The following SUSD1 variants were observed in gnomAD, a reference collection of about 807,000 sequenced individuals.
SUSD1 encodes sushi domain-containing protein 1.
A neutral mutation model predicts 86.9 loss-of-function variants in SUSD1; 65 were observed. That is an observed-to-expected ratio of 0.75 (90% CI 0.61 to 0.92). SUSD1 has a LOEUF of 0.92. SUSD1 is among the 40% of genes least tolerant of loss of function. The pLI, the probability that SUSD1 is intolerant of heterozygous loss-of-function variation, is 0.00. For missense variants in SUSD1, 850 were observed against 929.7 expected (o/e 0.91, Z 1.11); for synonymous variants, 346 against 350.0 (o/e 0.99, Z 0.13).
At chr9:112,114,756 T>C (rs1304007959) in intron 6 of SUSD1, among the ~76,000 whole-genome samples, 2 of 152,108 alleles carry the variant, frequency 1.3e-5, no homozygotes, top group Non-Finnish European at 2.9e-5. Context: ...CCCCAGCACA[T>C]GCCATCTGGA....
intron 12 of SUSD1, among the ~76,000 whole-genome samples, chr9:112,072,140 C>CTTTTTTTTTTTT: frequency 2.1e-4 from 26 of 121,166 alleles, no homozygotes; most frequent in East Asian, 5.2e-4. Flanking sequence ...CTTTCTTTCT[C>CTTTTTTTTTTTT]TTTTTTTTTT....
intron 15 of SUSD1, among the ~76,000 whole-genome samples, chr9:112,049,506 G>A (rs1828098153): frequency 1.3e-5 from 2 of 152,276 alleles, no homozygotes; most frequent in South Asian, 2.1e-4. Context: ...CCATCAAACC[G>A]ACTGCTGGTT....
At position 112,112,730 on chromosome 9, in the gene SUSD1, C is replaced by T. The variant is rs113324731; in HGVS notation, c.984+41G>A. ...CTCTGACTCATATTCCCATGGGTGA[C>T]GTGTCTGTCCTAGCAGGAAAAAGTA... On this transcript the variant is annotated intron_variant, in intron 7 of 16. Coordinates refer to ENST00000374270, the MANE Select transcript of SUSD1 (RefSeq NM_022486.5). 33 of 1,349,550 alleles carry T rather than the reference C, an allele frequency of 2.4e-5. No individual in the cohort carries two copies. In the South Asian group the frequency reaches 2.9e-4, roughly 12 times the overall value. The allele number at this position is 1,349,550 out of a possible 1,614,324, so 83.6% of individuals were successfully genotyped here.
At chr9:112,136,408 T>C (rs1326555112) in intron 5 of SUSD1, among the ~76,000 whole-genome samples, 2 of 152,068 alleles carry the variant, frequency 1.3e-5, no homozygotes, top group Non-Finnish European at 2.9e-5. Flanking sequence ...CAATGTTATA[T>C]GTTTTCGTAG....
chr9:112,078,180 AC>A (rs1421513256), intron 12 of SUSD1, among the ~76,000 whole-genome samples: 1 of 152,190 alleles, frequency 6.6e-6, no homozygotes, highest in African/African-American at 2.4e-5. Context: ...CCCCGTCTCT[AC>A]AAAAAATACA....
At chr9:112,163,834 C>A (rs1314654377) in intron 1 of SUSD1, among the ~76,000 whole-genome samples, 1 of 151,112 alleles carries the variant, frequency 6.6e-6, no homozygotes, top group Non-Finnish European at 1.5e-5. Context: ...CCTGTCTCTA[C>A]TAAAAATACA....
chr9:112,074,491 A>G (rs1241292020), intron 12 of SUSD1, among the ~76,000 whole-genome samples: 2 of 152,064 alleles, frequency 1.3e-5, no homozygotes, highest in African/African-American at 4.8e-5. Flanking sequence ...GTCCCTCAAC[A>G]TTCCTAGAAC....
intron 6 of SUSD1, among the ~76,000 whole-genome samples, chr9:112,115,625 G>A (rs1212420595): frequency 2.0e-5 from 3 of 151,816 alleles, no homozygotes; most frequent in Non-Finnish European, 4.4e-5. Context: ...TGGGCAACAT[G>A]GTGAAACCGC....
At chr9:112,078,428 G>C (rs766052896) in intron 12 of SUSD1, 110 bp downstream of exon 12, 20 of 1,098,946 alleles carry the variant, frequency 1.8e-5, no homozygotes, top group Non-Finnish European at 2.6e-5. Flanking sequence ...TCCTCTCCCT[G>C]TTAAAGTTCA....
intron 1 of SUSD1, among the ~76,000 whole-genome samples, chr9:112,163,670 G>C (rs1037050523): frequency 6.6e-6 from 1 of 151,272 alleles, no homozygotes; most frequent in Non-Finnish European, 1.5e-5. Context: ...TAAAAAACTT[G>C]TCCTTATAAA....
chr9:112,132,644 A>T (rs995253502), intron 5 of SUSD1, among the ~76,000 whole-genome samples: 1 of 152,228 alleles, frequency 6.6e-6, no homozygotes, highest in African/African-American at 2.4e-5. Context: ...CTTGATACGT[A>T]TACTTACTTC....
rs746294726 is a variant in SUSD1 at position 112,154,322 on chromosome 9, CCA to C, written c.217+3176_217+3177del. ...TGGGCCACATGGCAAAACCCCACCT[CCA>C]CACACACACACAAAAAAAAAAAAAA... On this transcript the variant is annotated intron_variant, in intron 2 of 16. Coordinates refer to ENST00000374270, the MANE Select transcript of SUSD1 (RefSeq NM_022486.5). Among the ~76,000 whole-genome samples the C allele has an allele frequency of 5.2e-3, 730 of 140,490 alleles. 14 individuals carry two copies. The highest frequency in any genetic ancestry group is 0.016 in the African/African-American group (574 of 36,476). 92.2% of individuals were successfully genotyped at this position (140,490 alleles called of 152,430 possible). A position where few individuals can be genotyped will look rare whatever the true frequency, so the allele number is the denominator to read the frequency against.
chr9:112,112,649 G>GA (rs1201981955), intron 7 of SUSD1, 122 bp downstream of exon 7: 2 of 658,734 alleles, frequency 3.0e-6, no homozygotes, highest in East Asian at 2.9e-5. Context: ...AAAAATAAAA[G>GA]AAAAAAAGAA....
chr9:112,169,993 A>G (rs1270155501), intron 1 of SUSD1, among the ~76,000 whole-genome samples: 1 of 151,968 alleles, frequency 6.6e-6, no homozygotes, highest in African/African-American at 2.4e-5. Context: ...CCTTTTTCTT[A>G]ATCTTTGCAG....
rs1042642490 is a variant in SUSD1 at position 112,145,045 on chromosome 9, C to T, written c.374-1422G>A. 3.3e-5 allele frequency among the ~76,000 whole-genome samples: 5 copies of T among 151,934 alleles called. No individual in the cohort carries two copies. The East Asian group carries it at 5.8e-4, about 18-fold the overall frequency. ...TGCTTTAAGTCCGGGAGTTCAAGGC[C>T]GGCCTGGGCAACACAGCAAGACCCT... On this transcript the variant is annotated intron_variant, in intron 3 of 16. Coordinates refer to ENST00000374270, the MANE Select transcript of SUSD1 (RefSeq NM_022486.5).
chr9:112,133,477 C>T (rs1207988092), intron 5 of SUSD1, among the ~76,000 whole-genome samples: 1 of 152,142 alleles, frequency 6.6e-6, no homozygotes, highest in Non-Finnish European at 1.5e-5. Flanking sequence ...AAAGGACTCC[C>T]TATACATAAA....
chr9:112,149,328 C>T lies in SUSD1; in HGVS notation c.289G>A (p.Gly97Ser). ...CCTTCCAGGCAAATGCAATAGAAGC[C>T]CCCGGGGGTGTTGTGGCAAGATGTG... ...NHTSCHNTPGGFYCICLEGYR... is the reference protein window; with the variant it reads ...NHTSCHNTPGSFYCICLEGYR... The change falls in exon 3 of 17, where the codon GGC (glycine) becomes AGC (serine). Residue 97 changes from glycine to serine, a missense_variant. By Grantham distance (56) the Gly-to-Ser change is moderately conservative. Coordinates refer to ENST00000374270, the MANE Select transcript of SUSD1 (RefSeq NM_022486.5). 1 of 1,614,108 alleles carries T rather than the reference C, an allele frequency of 6.2e-7. No individual in the cohort carries two copies. Among genetic ancestry groups the T allele is most frequent in the Non-Finnish European group, 8.5e-7 (1 of 1,180,026 alleles).
At chr9:112,054,130 TCAAAATTTACTA>T (rs1469771279) in intron 14 of SUSD1, among the ~76,000 whole-genome samples, 3 of 152,138 alleles carry the variant, frequency 2.0e-5, no homozygotes, top group Non-Finnish European at 2.9e-5. Flanking sequence ...CTCCCTGATT[TCAAAATTTACTA>T]CAAAACTACA....
chr9:112,130,323 A>G (rs1413604944), intron 5 of SUSD1, among the ~76,000 whole-genome samples: 4 of 150,186 alleles, frequency 2.7e-5, no homozygotes, highest in Non-Finnish European at 5.9e-5. Flanking sequence ...CAGTGAGCCA[A>G]GAATGCACCA....
Sources: gnomAD v4.1 joint callset for allele counts (sites outside exome capture counted in the v4.1 genomes callset) on GRCh38, gnomAD v4.1.1 for gene constraint, MANE v1.5 for transcripts, NCBI Gene and HGNC (gene_info 2026-07-23, HGNC 2026-07-21) for gene names.